PDE4D: variants seen among roughly 807,000 people sequenced by gnomAD.
The protein encoded by PDE4D is 3',5'-cyclic-AMP phosphodiesterase 4D.
In PDE4D, 24 loss-of-function variants were observed where a neutral mutation model predicts 87.4. That is an observed-to-expected ratio of 0.27 (90% CI 0.20 to 0.39). The LOEUF is 0.39. Ranked by LOEUF, PDE4D falls within the 10% of genes least tolerant of loss-of-function variation. The pLI is 1.00. For missense variants in PDE4D, 714 were observed against 1,041.0 expected, an observed-to-expected ratio of 0.69 and a Z score of 4.32; for synonymous variants, 384 against 383.2, an observed-to-expected ratio of 1.00 and a Z score of -0.02.
chr5:60,078,014 G>T (rs960050935), intron 2 of PDE4D, among the ~76,000 whole-genome samples: 1 of 152,144 alleles, frequency 6.6e-6, no homozygotes, highest in African/African-American at 2.4e-5. Context: ...TCCCTGTGAA[G>T]ATCTGCTAGG....
chr5:59,684,398 T>C (rs890829028), intron 1 of PDE4D, among the ~76,000 whole-genome samples: 1 of 152,136 alleles, frequency 6.6e-6, no homozygotes, highest in Admixed American at 6.5e-5. Flanking sequence ...CTCGATACCA[T>C]TTTTTTGAAT....
In PDE4D at chr5:59,013,580, C is replaced by T. The variant is rs560570202; in HGVS notation, c.922-20115G>A. Among the ~76,000 whole-genome samples, 3 of 152,224 alleles carry T rather than the reference C, an allele frequency of 2.0e-5. No individual in the cohort carries two copies. The South Asian group carries it at 6.2e-4, about 32-fold the overall frequency. Reference sequence around the variant, plus strand: ...TAAATTCCTGGACACATGCACCCTCCCAAGACTAAATCAGGAAGAAGTTGA... The same window carrying T: ...TAAATTCCTGGACACATGCACCCTCTCAAGACTAAATCAGGAAGAAGTTGA... On this transcript the variant is annotated intron_variant, in intron 6 of 14. Coordinates refer to ENST00000340635, the MANE Select transcript of PDE4D (RefSeq NM_001104631.2).
chr5:59,420,851 T>C (rs1378715996), intron 1 of PDE4D, among the ~76,000 whole-genome samples: 1 of 152,024 alleles, frequency 6.6e-6, no homozygotes, highest in Non-Finnish European at 1.5e-5. Flanking sequence ...TGTTCAAAAA[T>C]AACAGCACAA....
intron 3 of PDE4D, among the ~76,000 whole-genome samples, chr5:59,937,111 G>C (rs927005280): frequency 1.3e-5 from 2 of 152,138 alleles, no homozygotes; most frequent in African/African-American, 4.8e-5. Context: ...AGCAGCACTA[G>C]TTATCATCCC....
intron 1 of PDE4D, among the ~76,000 whole-genome samples, chr5:59,546,703 A>C (rs1456181910): frequency 1.3e-5 from 2 of 152,176 alleles, no homozygotes; most frequent in Admixed American, 6.6e-5. Flanking sequence ...GAACTGAAGG[A>C]AAAGACGAAC....
chr5:59,882,977 C>A (rs550103451), intron 1 of PDE4D, among the ~76,000 whole-genome samples: 12 of 152,094 alleles, frequency 7.9e-5, no homozygotes, highest in Non-Finnish European at 1.6e-4. Flanking sequence ...CAGGGTTTCG[C>A]CATGTTGGCC....
At chr5:59,012,822 C>G (rs1363801162) in intron 6 of PDE4D, among the ~76,000 whole-genome samples, 1 of 152,212 alleles carries the variant, frequency 6.6e-6, no homozygotes, top group African/African-American at 2.4e-5. Flanking sequence ...ATCTACAGAA[C>G]TCTCCACCCC....
At position 59,985,459 on chromosome 5, in the gene PDE4D, T is replaced by G. The variant is rs1223693829; in HGVS notation, c.272+3029A>C. 2.6e-5 allele frequency among the ~76,000 whole-genome samples: 4 copies of G among 152,132 alleles called. No homozygotes were observed. The East Asian group carries it at 7.7e-4, about 29-fold the overall frequency. ...CCTGGCCCCGCACTTTACCTTCTAC[T>G]TCTCCTCCAAAGCTTCGACATTCCA... On this transcript the variant is annotated intron_variant, in intron 3 of 16. Coordinates refer to the PDE4D transcript ENST00000502484.
chr5:60,135,133 T>C (rs1020481295), intron 2 of PDE4D, among the ~76,000 whole-genome samples: 1 of 152,210 alleles, frequency 6.6e-6, no homozygotes, highest in Non-Finnish European at 1.5e-5. Flanking sequence ...ACTTGAGATG[T>C]CATTAGTGGC....
chr5:60,321,656 G>A (rs1430128273), intron 1 of PDE4D, among the ~76,000 whole-genome samples: 2 of 152,068 alleles, frequency 1.3e-5, no homozygotes. Flanking sequence ...ATCTGACAAA[G>A]GTCTAATATC....
At chr5:59,957,956 G>C (rs974510295) in intron 3 of PDE4D, among the ~76,000 whole-genome samples, 1 of 152,080 alleles carries the variant, frequency 6.6e-6, no homozygotes, top group African/African-American at 2.4e-5. Flanking sequence ...GATTTATAGA[G>C]ATAACAGAGT....
intron 2 of PDE4D, among the ~76,000 whole-genome samples, chr5:59,205,555 A>G (rs370801355): frequency 1.3e-5 from 2 of 152,068 alleles, no homozygotes; most frequent in African/African-American, 4.8e-5. Flanking sequence ...AGACTCTAGA[A>G]CAGCACTGTC....
At chr5:59,285,961 C>T (rs1048411079) in intron 1 of PDE4D, among the ~76,000 whole-genome samples, 4 of 152,168 alleles carry the variant, frequency 2.6e-5, no homozygotes, top group African/African-American at 7.2e-5. Context: ...CCCTCACTCT[C>T]GATTACTTTC....
At chr5:59,239,778 T>G (rs1421954766) in intron 1 of PDE4D, among the ~76,000 whole-genome samples, 1 of 152,134 alleles carries the variant, frequency 6.6e-6, no homozygotes, top group African/African-American at 2.4e-5. Flanking sequence ...AGATCTGAAT[T>G]TGAATAGGTT....
At chr5:59,094,302 T>C (rs958158319) in intron 5 of PDE4D, among the ~76,000 whole-genome samples, 3 of 131,708 alleles carry the variant, frequency 2.3e-5, no homozygotes, top group African/African-American at 5.8e-5. Flanking sequence ...AACATTTTAA[T>C]AGTAAGGTTG....
chr5:60,238,658 A>G (rs191485197), intron 1 of PDE4D, among the ~76,000 whole-genome samples: 36 of 151,948 alleles, frequency 2.4e-4, no homozygotes, highest in African/African-American at 7.7e-4. Context: ...TTTTCTGTCG[A>G]TTGTTTGTTC....
intron 1 of PDE4D, among the ~76,000 whole-genome samples, chr5:60,195,764 G>A (rs568017035): frequency 6.6e-6 from 1 of 151,850 alleles, no homozygotes; most frequent in Non-Finnish European, 1.5e-5. Context: ...TGGGACCCCC[G>A]AGGAGGCAGT....
rs1295858615 is a variant in PDE4D, at chr5:59,343,616, T to A, written c.456-127648A>T. On this transcript the variant is annotated intron_variant, in intron 1 of 14. Transcript: ENST00000340635. Reference sequence around the variant, plus strand: ...ATGAATTATTGAATTGGATATAAGTTCACAGGGACATTGAGCTATTCTTTG... The same window carrying A: ...ATGAATTATTGAATTGGATATAAGTACACAGGGACATTGAGCTATTCTTTG... Among the ~76,000 whole-genome samples the A allele has an allele frequency of 2.0e-5, 3 of 152,210 alleles. No individual in the cohort carries two copies. In the South Asian group the frequency reaches 6.2e-4, roughly 32 times the overall value.
chr5:59,612,636 T>C (rs1049622413), intron 1 of PDE4D, among the ~76,000 whole-genome samples: 2 of 152,044 alleles, frequency 1.3e-5, no homozygotes, highest in Middle Eastern at 3.4e-3. Context: ...GGGAGAACAA[T>C]TTAAAAAGAA....
Sources: allele counts gnomAD v4.1 joint callset (sites outside exome capture counted in the v4.1 genomes callset), GRCh38; gene constraint gnomAD v4.1.1; transcripts MANE v1.5; gene names NCBI Gene and HGNC (gene_info 2026-07-23, HGNC 2026-07-21).